TMCO5A: variants seen among roughly 807,000 people sequenced by gnomAD.
TMCO5A encodes transmembrane and coiled-coil domain-containing protein 5A.
Under a neutral mutation model 42.3 loss-of-function variants are expected in TMCO5A, and 34 were observed. The ratio of observed to expected loss-of-function variants is 0.80; its 90% CI spans 0.61 to 1.07. The LOEUF is 1.07. Among genes scored for constraint, TMCO5A ranks in the 50% least tolerant of loss-of-function variants. The pLI, the probability that TMCO5A is intolerant of heterozygous loss-of-function variation, is 0.00. For synonymous variants in TMCO5A, 131 were observed against 115.6 expected, an observed-to-expected ratio of 1.13 and a Z score of -0.86; for missense variants, 357 against 327.9, an observed-to-expected ratio of 1.09 and a Z score of -0.69.
the TMCO5A span, among the ~76,000 whole-genome samples, chr15:38,018,117 CTAA>C: frequency 6.6e-6 from 1 of 152,088 alleles, no homozygotes; most frequent in African/African-American, 2.4e-5. Context: ...CGAAAATGGA[CTAA>C]TACACCTGCT....
At chr15:37,984,887 A>C in the TMCO5A span, 1 of 152,060 alleles carries the variant, frequency 6.6e-6, no homozygotes, top group East Asian at 1.9e-4. Flanking sequence ...ATTTTGTTAT[A>C]GCAGGAGAAA....
the TMCO5A span, among the ~76,000 whole-genome samples, chr15:37,979,049 C>T: frequency 1.3e-5 from 2 of 151,834 alleles, no homozygotes; most frequent in South Asian, 4.2e-4. Flanking sequence ...TCCCACCAGG[C>T]CCCACCTCCC....
the TMCO5A span, among the ~76,000 whole-genome samples, chr15:37,977,699 G>C: frequency 6.6e-6 from 1 of 152,200 alleles, no homozygotes; most frequent in African/African-American, 2.4e-5. Context: ...CCACAGCCTT[G>C]GGGCAAGCTC....
intron 6 of TMCO5A, 117 bp from the exon 7 acceptor site, chr15:37,941,032 C>A: frequency 2.4e-6 from 2 of 831,420 alleles, no homozygotes; most frequent in Non-Finnish European, 4.0e-6. Context: ...TATCAGGAGA[C>A]GTGTGAAGTC....
intron 5 of TMCO5A, 27 bp from the exon 6 acceptor site, chr15:37,938,131 T>C (rs1184449944): frequency 1.9e-6 from 3 of 1,540,310 alleles, no homozygotes; most frequent in African/African-American, 2.8e-5. Flanking sequence ...CCTTTTAATT[T>C]AGTATATTTT....
At chr15:38,005,686 G>A in the TMCO5A span, among the ~76,000 whole-genome samples, 1 of 152,122 alleles carries the variant, frequency 6.6e-6, no homozygotes, top group Non-Finnish European at 1.5e-5. Flanking sequence ...AAGTGGTTCC[G>A]GTGATTTAGA....
downstream of TMCO5A, among the ~76,000 whole-genome samples, chr15:37,951,893 C>G (rs979858529): frequency 1.3e-5 from 2 of 152,078 alleles, no homozygotes; most frequent in East Asian, 1.9e-4. Flanking sequence ...AACACCCCCC[C>G]TTTCCCATCC....
Position 37,936,916 on chromosome 15 carries a change from C to A in TMCO5A, c.210C>A (p.Thr70=). 1 of 1,612,594 alleles carries A rather than the reference C, an allele frequency of 6.2e-7. No individual in the cohort carries two copies. Among genetic ancestry groups the A allele is most frequent in the Non-Finnish European group, 8.5e-7 (1 of 1,179,160 alleles). The change falls in exon 4 of 12, where the codon ACC becomes ACA. Residue 70 remains threonine (T), a synonymous_variant. Transcript: ENST00000319669. ...AAGAGTGGGAGAAGGAGAACCGCAC[C>A]ACGATGGAAAGGGAAAGAGCCTTGC... is the stretch of plus-strand genomic sequence containing the variant. ...EDEEWEKENR[T]TMERERALQE...
chr15:37,993,983 G>A, the TMCO5A span, among the ~76,000 whole-genome samples: 2 of 152,216 alleles, frequency 1.3e-5, no homozygotes, highest in Admixed American at 6.5e-5. Context: ...TGTCTAGGTA[G>A]GAAGACAGAT....
chr15:37,958,527 A>T (rs1490991242), intron 11 of TMCO5A, among the ~76,000 whole-genome samples: 1 of 152,162 alleles, frequency 6.6e-6, no homozygotes, highest in Non-Finnish European at 1.5e-5. Flanking sequence ...ATGCAAATCA[A>T]AACCACAATG....
At chr15:37,966,043 G>T (rs1156990555) in intron 11 of TMCO5A, among the ~76,000 whole-genome samples, 1 of 151,814 alleles carries the variant, frequency 6.6e-6, no homozygotes, top group Non-Finnish European at 1.5e-5. Flanking sequence ...AGAAAATATG[G>T]TACATCTACA....
At chr15:38,028,728 A>G in the TMCO5A span, among the ~76,000 whole-genome samples, 1 of 152,302 alleles carries the variant, frequency 6.6e-6, no homozygotes, top group South Asian at 2.1e-4. Context: ...AATCAAGGGC[A>G]GATAGTGTCT....
At chr15:37,937,104 C>A in intron 4 of TMCO5A, 134 bp downstream of exon 4, 1 of 1,393,042 alleles carries the variant, frequency 7.2e-7, no homozygotes, top group South Asian at 1.4e-5. Flanking sequence ...TAAAATTTGT[C>A]CATGCGTGGA....
At chr15:38,010,425 T>TCTCTCACACACACA in the TMCO5A span, among the ~76,000 whole-genome samples, 2 of 117,442 alleles carry the variant, frequency 1.7e-5, no homozygotes, top group African/African-American at 3.2e-5. Flanking sequence ...CAGAGGGAGA[T>TCTCTCACACACACA]CACACACACA....
chr15:38,025,162 G>GGTGTGTGTGTGTGTGTGT, the TMCO5A span: 3 of 147,488 alleles, frequency 2.0e-5, no homozygotes, highest in Non-Finnish European at 4.5e-5. Flanking sequence ...ACAGCTTTTG[G>GGTGTGTGTGTGTGTGTGT]GTGTGTGTGT....
the TMCO5A span, among the ~76,000 whole-genome samples, chr15:38,026,931 G>T: frequency 6.6e-6 from 1 of 152,310 alleles, no homozygotes; most frequent in Non-Finnish European, 1.5e-5. Context: ...CTGGGGTTTG[G>T]GAACCTCCGC....
chr15:37,962,685 T>G (rs1372467250), intron 11 of TMCO5A, among the ~76,000 whole-genome samples: 1 of 152,106 alleles, frequency 6.6e-6, no homozygotes, highest in Admixed American at 6.6e-5. Context: ...TTTTGTGTGT[T>G]GGTAATTTTC....
At chr15:38,029,581 T>A in the TMCO5A span, among the ~76,000 whole-genome samples, 6 of 152,130 alleles carry the variant, frequency 3.9e-5, no homozygotes, top group Non-Finnish European at 8.8e-5. Context: ...CACTTCAGGC[T>A]CCAGAATAGC....
intron 11 of TMCO5A, among the ~76,000 whole-genome samples, chr15:37,947,904 C>G (rs1890021077): frequency 6.6e-6 from 1 of 152,058 alleles, no homozygotes; most frequent in Non-Finnish European, 1.5e-5. Flanking sequence ...TTAATAATCT[C>G]AACTTTCCAT....
Sources: gnomAD v4.1 joint callset for allele counts (sites outside exome capture counted in the v4.1 genomes callset) on GRCh38, gnomAD v4.1.1 for gene constraint, MANE v1.5 for transcripts, NCBI Gene and HGNC (gene_info 2026-07-23, HGNC 2026-07-21) for gene names.